PPP6R3: variants seen among roughly 807,000 people sequenced by gnomAD.
PPP6R3 encodes protein phosphatase 6 regulatory subunit 3.
PPP6R3 carries 38 observed loss-of-function variants against 110.7 expected under a neutral mutation model. That is an observed-to-expected ratio of 0.34 (90% CI 0.26 to 0.45). The LOEUF (loss-of-function observed/expected upper bound fraction) is 0.45. Among genes scored for constraint, PPP6R3 ranks in the 20% least tolerant of loss-of-function variants. The pLI, the probability that PPP6R3 is intolerant of heterozygous loss-of-function variation, is 1.00. For synonymous variants in PPP6R3, 369 were observed against 373.5 expected, an observed-to-expected ratio of 0.99 and a Z score of 0.14; for missense variants, 870 against 1,062.4, an observed-to-expected ratio of 0.82 and a Z score of 2.52.
At chr11:68,524,982 C>T (rs1262280675) in intron 2 of PPP6R3, among the ~76,000 whole-genome samples, 3 of 152,312 alleles carry the variant, frequency 2.0e-5, no homozygotes, top group East Asian at 1.9e-4. Flanking sequence ...GCTGACCTGC[C>T]GTTGCTGCCT....
chr11:68,611,310 T>A (rs1203785468), intron 23 of PPP6R3, among the ~76,000 whole-genome samples: 1 of 152,332 alleles, frequency 6.6e-6, no homozygotes, highest in East Asian at 1.9e-4. Flanking sequence ...CTATCCCAGT[T>A]TGGGGCAGTT....
intron 1 of PPP6R3, among the ~76,000 whole-genome samples, chr11:68,474,197 AC>A (rs1302498603): frequency 6.6e-6 from 1 of 152,028 alleles, no homozygotes; most frequent in African/African-American, 2.4e-5. Context: ...AGCACACACC[AC>A]CATGCCTGGC....
At chr11:68,470,867 A>G (rs1349823904) in intron 1 of PPP6R3, among the ~76,000 whole-genome samples, 1 of 152,144 alleles carries the variant, frequency 6.6e-6, no homozygotes, top group African/African-American at 2.4e-5. Context: ...AGCGTGTGGA[A>G]GTAAGATCAG....
intron 19 of PPP6R3, among the ~76,000 whole-genome samples, chr11:68,597,372 G>A (rs1475271237): frequency 2.6e-5 from 4 of 152,192 alleles, no homozygotes; most frequent in African/African-American, 4.8e-5. Flanking sequence ...ATGAGGTGGC[G>A]GGAGCGAAGG....
chr11:68,511,061 C>A (rs1351126624), intron 1 of PPP6R3, among the ~76,000 whole-genome samples: 1 of 148,888 alleles, frequency 6.7e-6, no homozygotes, highest in African/African-American at 2.5e-5. Flanking sequence ...TACATTACGA[C>A]CATGCATACT....
intron 3 of PPP6R3, 43 bp downstream of exon 3, chr11:68,537,934 A>AGT: frequency 7.1e-7 from 1 of 1,404,862 alleles, no homozygotes; most frequent in Non-Finnish European, 1.0e-6. Flanking sequence ...ACTAAAGTGA[A>AGT]GTGGGGGTAG....
intron 1 of PPP6R3, among the ~76,000 whole-genome samples, chr11:68,487,661 G>T (rs1350940128): frequency 6.6e-6 from 1 of 151,870 alleles, no homozygotes; most frequent in Non-Finnish European, 1.5e-5. Context: ...TTATTTAGAA[G>T]TATATTATTT....
At chr11:68,568,754 C>T (rs368418607) in intron 10 of PPP6R3, among the ~76,000 whole-genome samples, 2 of 151,988 alleles carry the variant, frequency 1.3e-5, no homozygotes, top group South Asian at 2.1e-4. Context: ...TTTGTTGCAT[C>T]AAAATGAAAT....
intron 1 of PPP6R3, among the ~76,000 whole-genome samples, chr11:68,467,832 T>C (rs1294897811): frequency 6.6e-6 from 1 of 152,228 alleles, no homozygotes; most frequent in Non-Finnish European, 1.5e-5. Context: ...TGGAGTGTAG[T>C]GGCGCGATCT....
chr11:68,563,008 G>T lies in PPP6R3; in HGVS notation c.846-1295G>T, dbSNP rs548932935. Among the ~76,000 whole-genome samples, 3 of 151,738 alleles carry T rather than the reference G, an allele frequency of 2.0e-5. No individual in the cohort carries two copies. The East Asian group carries it at 5.8e-4, about 30-fold the overall frequency. ...CGTGTGAGAAAAGACTTACATCCAG[G>T]TATATGAAGAATACCTAGGCTGGAT... On this transcript the variant is annotated intron_variant, in intron 8 of 23. Transcript: ENST00000393800.
In PPP6R3 at chr11:68,613,794, T is replaced by G. The variant is rs1944592092; in HGVS notation, c.*677T>G. The G allele has an allele frequency of 1.0e-6, 1 of 984,354 alleles. No individual in the cohort carries two copies. Among genetic ancestry groups the G allele is most frequent in the Non-Finnish European group, 1.2e-6 (1 of 828,660 alleles). 61.0% of individuals were successfully genotyped at this position (984,354 alleles called of 1,614,324 possible). On this transcript the variant is annotated 3_prime_UTR_variant, in exon 24 of 24. Coordinates refer to ENST00000393800, the MANE Select transcript of PPP6R3 (RefSeq NM_001164161.2). Reference sequence around the variant, plus strand: ...TACATCATAGTTGATAAATTGATGTTATCGTAAAGCCATATGTTCTGTTCA... The same window carrying G: ...TACATCATAGTTGATAAATTGATGTGATCGTAAAGCCATATGTTCTGTTCA...
At chr11:68,530,665 C>T (rs1037653458) in intron 2 of PPP6R3, among the ~76,000 whole-genome samples, 8 of 152,174 alleles carry the variant, frequency 5.3e-5, no homozygotes, top group African/African-American at 1.2e-4. Flanking sequence ...TGTGCAGTCT[C>T]GCATGCTCAG....
intron 10 of PPP6R3, 85 bp downstream of exon 10, chr11:68,567,251 C>T: frequency 1.5e-6 from 2 of 1,339,980 alleles, no homozygotes; most frequent in Non-Finnish European, 2.0e-6. Context: ...TACAAATTTA[C>T]ATTATGTCAG....
chr11:68,475,961 C>T (rs374200607), intron 1 of PPP6R3, among the ~76,000 whole-genome samples: 8 of 150,088 alleles, frequency 5.3e-5, no homozygotes, highest in Admixed American at 2.0e-4. Context: ...CGGGAAGAGG[C>T]GCTCCTCACT....
intron 1 of PPP6R3, among the ~76,000 whole-genome samples, chr11:68,514,064 A>G (rs1424259431): frequency 6.6e-6 from 1 of 152,194 alleles, no homozygotes; most frequent in East Asian, 1.9e-4. Flanking sequence ...ATTTTAATGT[A>G]TGTACGAATG....
At chr11:68,461,333 A>G (rs911015230) in intron 1 of PPP6R3, among the ~76,000 whole-genome samples, 1 of 152,138 alleles carries the variant, frequency 6.6e-6, no homozygotes, top group African/African-American at 2.4e-5. Flanking sequence ...TCTTCGGGAA[A>G]CAAGTTTTGT....
intron 1 of PPP6R3, among the ~76,000 whole-genome samples, chr11:68,468,552 A>G (rs975374547): frequency 1.3e-5 from 2 of 152,210 alleles, no homozygotes; most frequent in East Asian, 1.9e-4. Context: ...AAGTACAGAA[A>G]CACCTCCAAG....
chr11:68,474,289 A>G (rs564326500), intron 1 of PPP6R3, among the ~76,000 whole-genome samples: 6 of 152,166 alleles, frequency 3.9e-5, no homozygotes, highest in Non-Finnish European at 8.8e-5. Context: ...CAAGCAGTCC[A>G]CCCACCTTGG....
chr11:68,564,525 G>GC (rs1199704467), intron 9 of PPP6R3, 93 bp downstream of exon 9: 2 of 1,376,046 alleles, frequency 1.5e-6, no homozygotes, highest in Non-Finnish European at 2.0e-6. Flanking sequence ...GGCAGAACTG[G>GC]CTGTGGTCTG....
Sources: allele counts gnomAD v4.1 joint callset (sites outside exome capture counted in the v4.1 genomes callset), GRCh38; gene constraint gnomAD v4.1.1; transcripts MANE v1.5; gene names NCBI Gene and HGNC (gene_info 2026-07-23, HGNC 2026-07-21).